The following DCHS1 variants were observed in gnomAD, a reference collection of about 807,000 sequenced individuals.
The protein encoded by DCHS1 is protocadherin-16.
In DCHS1, 78 loss-of-function variants were observed where a neutral mutation model predicts 213.9. The observed-to-expected ratio is 0.36, with a 90% CI of 0.30 to 0.44. The LOEUF (loss-of-function observed/expected upper bound fraction) is 0.44, where lower values mean the gene tolerates loss of function less well. Among genes scored for constraint, DCHS1 ranks in the 20% least tolerant of loss-of-function variants. The pLI, the probability that DCHS1 is intolerant of heterozygous loss-of-function variation, is 1.00. For synonymous variants in DCHS1, 1,828 were observed against 1,873.7 expected (o/e 0.98, Z 0.63); for missense variants, 3,946 against 4,395.9 (o/e 0.90, Z 2.89).
chr11:6,632,326 A>T lies in DCHS1; in HGVS notation c.3186T>A (p.Arg1062=), dbSNP rs1855923210. 1 of 1,613,868 alleles carries T rather than the reference A, an allele frequency of 6.2e-7. No homozygotes were observed. Among genetic ancestry groups the T allele is most frequent in the Non-Finnish European group, 8.5e-7 (1 of 1,179,832 alleles). ...GWLWVRAALD[R]EAQELYILKV... is the part of the protein sequence containing the mutation. ...TCAGTATGTACAATTCCTGGGCCTC[A>T]CGGTCTAGTGCTGCCCGCACCCATA... The change falls in exon 6 of 21, where the codon CGT becomes CGA. Residue 1062 remains arginine (R), a synonymous_variant. Transcript: ENST00000299441. This position sits in a 1 kb window ranked among gnomAD's most constrained non-coding sequence, Gnocchi z 5.9.
Position 6,641,801 on chromosome 11 carries a change from G to T in DCHS1, c.-120-68C>A. ...TCAGCAGTCCAGATAACCTGGACGA[G>T]GCCACATCAACATTCAGATATGCTC... is the stretch of plus-strand genomic sequence containing the variant. On this transcript the variant is annotated intron_variant, in intron 1 of 20. Coordinates refer to ENST00000299441, the MANE Select transcript of DCHS1 (RefSeq NM_003737.4). This position sits in a 1 kb window ranked among gnomAD's most constrained non-coding sequence, Gnocchi z 7.1. The T allele has an allele frequency of 7.6e-7, 1 of 1,313,190 alleles. No homozygotes were observed. The highest frequency in any genetic ancestry group is 1.0e-6 in the Non-Finnish European group (1 of 991,042). The allele number at this position is 1,313,190 out of a possible 1,614,324, so 81.3% of individuals were successfully genotyped here.
chr11:6,628,962 C>T lies in DCHS1; in HGVS notation c.5162-132G>A. On this transcript the variant is annotated intron_variant, in intron 12 of 20. Coordinates refer to ENST00000299441, the MANE Select transcript of DCHS1 (RefSeq NM_003737.4). This position sits in a 1 kb window ranked among gnomAD's most constrained non-coding sequence, Gnocchi z 4.3. ...TGTCCATCTCTCCATACCTCTCAGG[C>T]ACACATGTGTCATGCATACATAAAC... 1 of 919,192 alleles carries T rather than the reference C, an allele frequency of 1.1e-6. No homozygotes were observed. The highest frequency in any genetic ancestry group is 1.7e-6 in the Non-Finnish European group (1 of 587,488). 56.9% of individuals were successfully genotyped at this position (919,192 alleles called of 1,614,324 possible).
chr11:6,641,070 G>A lies in DCHS1; in HGVS notation c.544C>T (p.Leu182=). The change falls in exon 2 of 21, where the codon CTA becomes TTA. Residue 182 remains leucine, a synonymous_variant. Coordinates refer to ENST00000299441, the MANE Select transcript of DCHS1 (RefSeq NM_003737.4). This position sits in a 1 kb window ranked among gnomAD's most constrained non-coding sequence, Gnocchi z 7.1. The part of the protein sequence containing the change: ...AGRLGTQGYA[L]SGDGAGETFR... ...GTCTCTCCAGCCCCATCACCAGATA[G>A]CGCATAGCCCTGGGTTCCCAGACGC... is the stretch of plus-strand genomic sequence containing the variant. 6.2e-7 allele frequency: 1 copy of A among 1,614,012 alleles called. No individual in the cohort carries two copies. Among genetic ancestry groups the A allele is most frequent in the Non-Finnish European group, 8.5e-7 (1 of 1,179,894 alleles).
rs777119485 is a variant in DCHS1, at chr11:6,631,638, G to A, written c.3653C>T (p.Ala1218Val). 32 of 1,584,822 alleles carry A rather than the reference G, an allele frequency of 2.0e-5. No individual in the cohort carries two copies. Among genetic ancestry groups the A allele is most frequent in the Non-Finnish European group, 1.2e-5 (14 of 1,165,836 alleles). Residue 1218 changes from alanine to valine, a missense_variant, in exon 7 of 21, where the codon GCT becomes GTT. By Grantham distance (64) the Ala-to-Val change is moderately conservative (BLOSUM62 0). Around this residue, in one of 3 missense-constraint regions of DCHS1, gnomAD observed 3,384 missense variants for 3,780.1 expected, o/e 0.90. Transcript: ENST00000299441. ...TACCTGTATAGGGAGGCCCCCACCA[G>A]CAGCTCCTGAAGCCTGCAGGAACGT... ...SPTFLQASGA[A>V]GGGLPIQVPD...
chr11:6,638,042 G>A (rs1231742295), intron 2 of DCHS1, among the ~76,000 whole-genome samples: 1 of 152,176 alleles, frequency 6.6e-6, no homozygotes, highest in Non-Finnish European at 1.5e-5. Flanking sequence ...CTAGTGAGGA[G>A]AGAAGTCTGG....
intron 1 of DCHS1, among the ~76,000 whole-genome samples, 196 bp downstream of exon 1, chr11:6,655,367 G>T (rs1856299734): frequency 6.6e-6 from 1 of 150,670 alleles, no homozygotes; most frequent in Non-Finnish European, 1.5e-5. Flanking sequence ...GATGACACAC[G>T]CACACAAAGA....
chr11:6,630,983 G>T, intron 9 of DCHS1, 70 bp downstream of exon 9: 1 of 1,536,190 alleles, frequency 6.5e-7, no homozygotes. Context: ...GGAGCCAAAG[G>T]ATTCCCGTGA....
Position 6,640,791 on chromosome 11 carries a change from A to G in DCHS1, c.823T>C (p.Leu275=), listed in dbSNP as rs1856059575. Residue 275 remains leucine (L), a synonymous_variant, in exon 2 of 21, where the codon TTG becomes CTG. Transcript: ENST00000299441. The surrounding 1 kb of genome is among the most constrained non-coding windows in gnomAD (Gnocchi z 6.5). ...TCGGCATCAGATGCGAACACCTGCA[A>G]GACAGGACTGCCAGGGGCCAGGCTC... The part of the protein sequence containing the change: ...SESLAPGSPV[L]QVFASDADAG... 3.1e-6 allele frequency: 5 copies of G among 1,613,882 alleles called. No individual in the cohort carries two copies. In the African/African-American group the frequency reaches 4.0e-5, roughly 13 times the overall value.
chr11:6,626,593 C>A lies in DCHS1; in HGVS notation c.6323G>T (p.Ser2108Ile), dbSNP rs1474565255. 1 of 1,614,038 alleles carries A rather than the reference C, an allele frequency of 6.2e-7. No homozygotes were observed. Among genetic ancestry groups the A allele is most frequent in the Non-Finnish European group, 8.5e-7 (1 of 1,179,898 alleles). The change falls in exon 15 of 21, where the codon AGT becomes ATT. Residue 2108 changes from serine (S) to isoleucine (I), a missense_variant. By Grantham distance (142) the Ser-to-Ile change is moderately radical. Transcript: ENST00000299441. The surrounding 1 kb of genome is among the most constrained non-coding windows in gnomAD (Gnocchi z 5.2). The part of the protein sequence containing the change: ...TNGPITYSIL[S>I]GNEKGTFSIQ... The stretch of plus-strand genomic sequence containing the variant: ...GGAGAATGTCCCTTTCTCATTCCCA[C>A]TGAGAATGCTGTAGGTGATGGGTCC...
At position 6,630,012 on chromosome 11, in the gene DCHS1, C is replaced by A; in HGVS notation, c.4782G>T (p.Leu1594=). The change falls in exon 10 of 21, where the codon CTG becomes CTT. Residue 1594 remains leucine (L), a synonymous_variant. Coordinates refer to ENST00000299441, the MANE Select transcript of DCHS1 (RefSeq NM_003737.4). ...LASGGDGHFR[L]HSSTGALSVV... is the part of the protein sequence containing the mutation. ...CCTAACTCTCACCAGTGCTTGAGTG[C>A]AGCCGGAAGTGGCCGTCCCCGCCAG... 6.4e-7 allele frequency: 1 copy of A among 1,563,768 alleles called. No homozygotes were observed. Among genetic ancestry groups the A allele is most frequent in the Non-Finnish European group, 8.7e-7 (1 of 1,151,016 alleles).
chr11:6,624,590 A>G, intron 20 of DCHS1, 140 bp downstream of exon 20: 1 of 1,398,788 alleles, frequency 7.1e-7, no homozygotes, highest in Non-Finnish European at 9.7e-7. Flanking sequence ...GGGGCTTATA[A>G]TGAAGACAGA....
At position 6,640,956 on chromosome 11, in the gene DCHS1, G is replaced by A. The variant is rs779536583; in HGVS notation, c.658C>T (p.His220Tyr). Residue 220 changes from histidine to tyrosine, a missense_variant, in exon 2 of 21, where the codon CAC becomes TAC. His to Tyr is a moderately conservative substitution (Grantham distance 83). Transcript: ENST00000299441. The surrounding 1 kb of genome is among the most constrained non-coding windows in gnomAD (Gnocchi z 6.5). ...TAGGCCTCCAGCTGTAGCATATAGT[G>A]TGAGCGGTTCTCTCGGTCCAGTTCC... The part of the protein sequence containing the change: ...TGELDRENRS[H>Y]YMLQLEAYDG... The A allele has an allele frequency of 6.2e-7, 1 of 1,614,022 alleles. No individual in the cohort carries two copies.
At chr11:6,631,012 G>A (rs966943288) in intron 9 of DCHS1, 41 bp downstream of exon 9, 23 of 1,567,584 alleles carry the variant, frequency 1.5e-5, no homozygotes, top group Non-Finnish European at 1.7e-5. Flanking sequence ...CTACTGAAGG[G>A]GACCTACAGC....
At position 6,622,094 on chromosome 11, in the gene DCHS1, G is replaced by A; in HGVS notation, c.9582C>T (p.Pro3194=). The A allele has an allele frequency of 1.9e-6, 3 of 1,613,260 alleles. No individual in the cohort carries two copies. The highest frequency in any genetic ancestry group is 2.5e-6 in the Non-Finnish European group (3 of 1,179,818). The part of the protein sequence containing the change: ...ARLKDEARPC[P]PAPRIDPPPL... Reference sequence around the variant, plus strand: ...GTGGTGGGTCGATACGGGGAGCTGGGGGACATGGCCGAGCTTCATCCTTGA... The same window carrying A: ...GTGGTGGGTCGATACGGGGAGCTGGAGGACATGGCCGAGCTTCATCCTTGA... The change falls in exon 21 of 21, where the codon CCC becomes CCT. Residue 3194 remains proline (P), a synonymous_variant. Coordinates refer to ENST00000299441, the MANE Select transcript of DCHS1 (RefSeq NM_003737.4). This position sits in a 1 kb window ranked among gnomAD's most constrained non-coding sequence, Gnocchi z 5.4.
chr11:6,628,505 C>T lies in DCHS1; in HGVS notation c.5371+116G>A, dbSNP rs938875143. The T allele has an allele frequency of 1.4e-5, 16 of 1,140,578 alleles. No individual in the cohort carries two copies. The highest frequency in any genetic ancestry group is 9.2e-5 in the African/African-American group (6 of 65,012). The allele number at this position is 1,140,578 out of a possible 1,614,324, so 70.7% of individuals were successfully genotyped here. A position where few individuals can be genotyped will look rare whatever the true frequency, so the allele number is the denominator to read the frequency against. ...GTATAAGCATGAAAGAAAAGGTGGA[C>T]GACATCAAGAGGGAAAAGGAGACCC... On this transcript the variant is annotated intron_variant, in intron 13 of 20. Transcript: ENST00000299441. This position sits in a 1 kb window ranked among gnomAD's most constrained non-coding sequence, Gnocchi z 4.3.
rs1322190073 is a variant in DCHS1, at chr11:6,630,140, C to A, written c.4654G>T (p.Val1552Leu). Residue 1552 changes from valine to leucine, a missense_variant, in exon 10 of 21, where the codon GTG (valine) becomes TTG (leucine). Coordinates refer to ENST00000299441, the MANE Select transcript of DCHS1 (RefSeq NM_003737.4). ...NAPVFASPSR[V>L]RLPEDQPPGP... Reference sequence around the variant, plus strand: ...GGCGGCTGGTCCTCTGGGAGGCGCACGCGTGACGGCGAGGCGAAGACAGGC... The same window carrying A: ...GGCGGCTGGTCCTCTGGGAGGCGCAAGCGTGACGGCGAGGCGAAGACAGGC... 6.2e-7 allele frequency: 1 copy of A among 1,604,374 alleles called. No individual in the cohort carries two copies.
intron 1 of DCHS1, among the ~76,000 whole-genome samples, chr11:6,647,928 G>T (rs1426855445): frequency 1.3e-5 from 2 of 152,220 alleles, no homozygotes; most frequent in Non-Finnish European, 2.9e-5. Context: ...ATACAGACAT[G>T]AAAGATGTGA....
chr11:6,629,305 G>T, intron 12 of DCHS1, 147 bp downstream of exon 12: 1 of 1,143,722 alleles, frequency 8.7e-7, no homozygotes, highest in Non-Finnish European at 1.2e-6. Flanking sequence ...CCAAACTCTC[G>T]ACTCCCCAAA....
In DCHS1 at chr11:6,640,581, A is replaced by T; in HGVS notation, c.1033T>A (p.Ser345Thr). 1 of 1,608,640 alleles carries T rather than the reference A, an allele frequency of 6.2e-7. No individual in the cohort carries two copies. The highest frequency in any genetic ancestry group is 8.5e-7 in the Non-Finnish European group (1 of 1,179,856). ...RDGGAHPELG[S>T]AFVTVHVRDA... Reference sequence around the variant, plus strand: ...CGCACATGCACAGTCACAAAGGCCGAGCCCAGCTCAGGGTGAGCCCCACCA... The same window carrying T: ...CGCACATGCACAGTCACAAAGGCCGTGCCCAGCTCAGGGTGAGCCCCACCA... The change falls in exon 2 of 21, where the codon TCG (serine) becomes ACG (threonine). Residue 345 changes from serine to threonine, a missense_variant. Ser to Thr is a moderately conservative substitution (Grantham distance 58). Transcript: ENST00000299441. The surrounding 1 kb of genome is among the most constrained non-coding windows in gnomAD (Gnocchi z 6.5).
Sources: allele counts gnomAD v4.1 joint callset (sites outside exome capture counted in the v4.1 genomes callset), GRCh38; gene constraint gnomAD v4.1.1; regional missense constraint gnomAD v4.1.1; non-coding constraint Gnocchi (gnomAD v3.1); transcripts MANE v1.5; gene names NCBI Gene and HGNC (gene_info 2026-07-23, HGNC 2026-07-21).